Variants in CCDC3 observed in about 807,000 individuals in gnomAD.
The protein encoded by CCDC3 is coiled-coil domain containing 3.
CCDC3 carries 24 observed loss-of-function variants against 21.4 expected under a neutral mutation model. The observed-to-expected ratio is 1.12, with a 90% confidence interval of 0.81 to 1.58. The LOEUF (loss-of-function observed/expected upper bound fraction) is 1.58, where lower values mean the gene tolerates loss of function less well. Ranked by LOEUF, CCDC3 falls within the 40% of genes most tolerant of loss-of-function variation. The probability of loss-of-function intolerance (pLI) is 0.00; values close to 1 mark genes in which losing one functional copy is unlikely to be tolerated. For synonymous variants in CCDC3, 186 were observed against 166.0 expected, an observed-to-expected ratio of 1.12 and a Z score of -0.93; for missense variants, 425 against 360.9, an observed-to-expected ratio of 1.18 and a Z score of -1.44.
chr10:12,905,087 G>A (rs1205316913), intron 2 of CCDC3, among the ~76,000 whole-genome samples: 1 of 151,718 alleles, frequency 6.6e-6, no homozygotes, highest in African/African-American at 2.4e-5. Flanking sequence ...AAATATAAAG[G>A]AAGAACAGTC....
chr10:13,018,171 C>T (rs1390578190), intron 5 of CCDC3, among the ~76,000 whole-genome samples: 2 of 150,584 alleles, frequency 1.3e-5, no homozygotes, highest in African/African-American at 4.9e-5. Flanking sequence ...AACACAAAGC[C>T]AGGTTTCCCT....
Position 13,071,891 on chromosome 10 carries a change from A to G in CCDC3, c.-270+1977T>C, listed in dbSNP as rs1019384234. Reference sequence around the variant, plus strand: ...TCCTCTGTCCTCTCTTCAGTGATATATAATGGTGTCTCTGTACTATGAGAC... The same window carrying G: ...TCCTCTGTCCTCTCTTCAGTGATATGTAATGGTGTCTCTGTACTATGAGAC... On this transcript the variant is annotated intron_variant, in intron 4 of 6. Coordinates refer to the CCDC3 transcript ENST00000378839. Among the ~76,000 whole-genome samples, 4 of 152,064 alleles carry G rather than the reference A, an allele frequency of 2.6e-5. 1 individual carries two copies. The highest frequency in any genetic ancestry group is 1.5e-5 in the Non-Finnish European group (1 of 67,994).
At chr10:13,011,362 C>T (rs1835982136) in intron 5 of CCDC3, among the ~76,000 whole-genome samples, 1 of 151,996 alleles carries the variant, frequency 6.6e-6, no homozygotes, top group Non-Finnish European at 1.5e-5. Flanking sequence ...AATCAGTGTA[C>T]AAAAATCAGT....
chr10:13,086,407 T>C (rs1837105671), intron 3 of CCDC3, among the ~76,000 whole-genome samples: 1 of 152,198 alleles, frequency 6.6e-6, no homozygotes, highest in South Asian at 2.1e-4. Context: ...AGGCAATTGT[T>C]TGGAATATTT....
chr10:12,927,593 A>C lies in CCDC3; in HGVS notation c.550-28914T>G, dbSNP rs187540758. 2.6e-3 allele frequency among the ~76,000 whole-genome samples: 398 copies of C among 151,880 alleles called. 4 individuals are homozygous for C. The highest frequency in any genetic ancestry group is 8.8e-3 in the African/African-American group (365 of 41,500). ...TTTATGCTACAAATGGCAAAAAAAAACCTTTCTTTTGACTAAACATCTCTT... is the reference window on the plus strand; with the variant it reads ...TTTATGCTACAAATGGCAAAAAAAACCCTTTCTTTTGACTAAACATCTCTT... On this transcript the variant is annotated intron_variant, in intron 2 of 2. Coordinates refer to ENST00000378825, the MANE Select transcript of CCDC3 (RefSeq NM_031455.4).
rs557836848 is a variant in CCDC3, at chr10:13,050,963, A to T, written c.-269-1022T>A. The stretch of plus-strand genomic sequence containing the variant: ...CACCACACCCGGCTAATTTAAAAAA[A>T]TTTTTTTTGTAGAGACCAGGTCTCA... On this transcript the variant is annotated intron_variant, in intron 4 of 6. Coordinates refer to the CCDC3 transcript ENST00000378839. Among the ~76,000 whole-genome samples the T allele has an allele frequency of 7.5e-4, 113 of 151,478 alleles. No individual in the cohort carries two copies. In the Middle Eastern group the frequency reaches 0.01, roughly 14 times the overall value.
At chr10:12,998,287 G>T in intron 2 of CCDC3, 51 bp downstream of exon 2, 1 of 1,574,098 alleles carries the variant, frequency 6.4e-7, no homozygotes, top group Non-Finnish European at 8.6e-7. Context: ...TTCACACAAG[G>T]TGTAGCTATA....
At chr10:13,093,366 C>T (rs1299921274) in intron 3 of CCDC3, among the ~76,000 whole-genome samples, 1 of 152,042 alleles carries the variant, frequency 6.6e-6, no homozygotes, top group Non-Finnish European at 1.5e-5. Flanking sequence ...GGAAAACACC[C>T]CCATGATTCA....
intron 5 of CCDC3, among the ~76,000 whole-genome samples, chr10:13,040,441 G>A (rs1332474074): frequency 1.3e-5 from 2 of 152,128 alleles, no homozygotes; most frequent in African/African-American, 2.4e-5. Flanking sequence ...GCGGTGGCTC[G>A]CGCCTGTAAT....
intron 4 of CCDC3, among the ~76,000 whole-genome samples, chr10:13,051,756 T>A (rs1029918923): frequency 6.6e-6 from 1 of 151,652 alleles, no homozygotes; most frequent in African/African-American, 2.4e-5. Context: ...CAGGTGAGAA[T>A]CAGCGTCCCA....
At chr10:13,003,178 A>G (rs1451920473), upstream of CCDC3, among the ~76,000 whole-genome samples, 1 of 152,224 alleles carries the variant, frequency 6.6e-6, no homozygotes, top group Non-Finnish European at 1.5e-5. Flanking sequence ...CCTGGCAGGC[A>G]GACTCACAGC....
At chr10:13,046,517 A>G (rs757672233) in intron 5 of CCDC3, among the ~76,000 whole-genome samples, 2 of 150,302 alleles carry the variant, frequency 1.3e-5, no homozygotes, top group African/African-American at 4.9e-5. Context: ...AGCCTGGCCA[A>G]TGTGGTGAAA....
intron 2 of CCDC3, among the ~76,000 whole-genome samples, chr10:12,907,288 A>C (rs1834188014): frequency 6.6e-6 from 1 of 152,194 alleles, no homozygotes; most frequent in African/African-American, 2.4e-5. Flanking sequence ...AAGAAGCTGG[A>C]GCTACCTTTT....
intron 2 of CCDC3, among the ~76,000 whole-genome samples, chr10:12,970,461 AT>A (rs1835324415): frequency 6.6e-6 from 1 of 152,220 alleles, no homozygotes; most frequent in East Asian, 1.9e-4. Context: ...CCCCAAAAAA[AT>A]AAGTTTGTGA....
At chr10:12,942,906 T>C (rs1189182008) in intron 2 of CCDC3, among the ~76,000 whole-genome samples, 2 of 152,092 alleles carry the variant, frequency 1.3e-5, no homozygotes, top group African/African-American at 2.4e-5. Context: ...TTGATCTCCT[T>C]GGTGTGAGGC....
intron 3 of CCDC3, among the ~76,000 whole-genome samples, chr10:13,080,292 GA>G (rs1399814429): frequency 1.3e-5 from 2 of 152,240 alleles, no homozygotes; most frequent in African/African-American, 2.4e-5. Flanking sequence ...GAAAGACACA[GA>G]AGGTAAGACT....
At chr10:12,991,718 A>G (rs1835685579) in intron 2 of CCDC3, among the ~76,000 whole-genome samples, 1 of 152,190 alleles carries the variant, frequency 6.6e-6, no homozygotes. Flanking sequence ...ACCATGGCCT[A>G]TGATTCCCAC....
intron 2 of CCDC3, among the ~76,000 whole-genome samples, chr10:12,912,819 C>T (rs2131205845): frequency 6.6e-6 from 1 of 152,252 alleles, no homozygotes; most frequent in Admixed American, 6.5e-5. Flanking sequence ...ATTTCATTCT[C>T]TGCACGTAGA....
intron 4 of CCDC3, chr10:13,058,235 G>C: frequency 7.5e-7 from 1 of 1,333,438 alleles, no homozygotes; most frequent in Admixed American, 1.7e-5. Context: ...GGCAAGGCCT[G>C]CATCCAAATA....
Sources: gnomAD v4.1 joint callset for allele counts (sites outside exome capture counted in the v4.1 genomes callset) on GRCh38, gnomAD v4.1.1 for gene constraint, MANE v1.5 for transcripts, NCBI Gene and HGNC (gene_info 2026-07-23, HGNC 2026-07-21) for gene names.